WWOX: variants seen among roughly 807,000 people sequenced by gnomAD.
WWOX encodes WW domain-containing oxidoreductase.
A neutral mutation model predicts 46.2 loss-of-function variants in WWOX; 69 were observed. The ratio of observed to expected loss-of-function variants is 1.49; its 90% CI spans 1.23 to 1.82. The LOEUF (loss-of-function observed/expected upper bound fraction) is 1.82, where lower values mean the gene tolerates loss of function less well. WWOX is among the 40% of genes most tolerant of loss of function. The pLI is 0.00. For synonymous variants in WWOX, 359 were observed against 202.6 expected (o/e 1.77, Z -6.56); for missense variants, 919 against 542.6 (o/e 1.69, Z -6.89).
intron 8 of WWOX, among the ~76,000 whole-genome samples, chr16:78,555,325 C>G (rs2044269059): frequency 1.3e-5 from 2 of 152,140 alleles, no homozygotes; most frequent in African/African-American, 4.8e-5. Context: ...TATTCTAATA[C>G]TCACATTTCC....
intron 8 of WWOX, among the ~76,000 whole-genome samples, chr16:78,831,051 G>C (rs1020213004): frequency 2.0e-5 from 3 of 152,164 alleles, no homozygotes; most frequent in African/African-American, 7.2e-5. Flanking sequence ...GTGATGTTTT[G>C]GGAGTGAATT....
At chr16:78,714,117 C>T (rs534471098) in intron 8 of WWOX, among the ~76,000 whole-genome samples, 7 of 152,246 alleles carry the variant, frequency 4.6e-5, no homozygotes, top group African/African-American at 1.4e-4. Context: ...AGAATAAGTC[C>T]GTCTCACGTT....
At chr16:78,290,945 G>A (rs145488893) in intron 5 of WWOX, among the ~76,000 whole-genome samples, 4 of 152,244 alleles carry the variant, frequency 2.6e-5, no homozygotes, top group African/African-American at 9.6e-5. Context: ...AACTAAGAAA[G>A]GTAGGAGGAG....
At chr16:79,160,880 C>G (rs1044828587) in intron 8 of WWOX, among the ~76,000 whole-genome samples, 1 of 93,958 alleles carries the variant, frequency 1.1e-5, no homozygotes, top group African/African-American at 5.3e-5. Context: ...AAATTGTGTA[C>G]ATACACATAT....
chr16:78,842,272 T>C (rs888482791), intron 8 of WWOX, among the ~76,000 whole-genome samples: 1 of 151,224 alleles, frequency 6.6e-6, no homozygotes, highest in African/African-American at 2.4e-5. Flanking sequence ...GGCAGGAGGA[T>C]TGCTTGAGGC....
At chr16:79,089,218 T>C (rs896092000) in intron 8 of WWOX, among the ~76,000 whole-genome samples, 2 of 152,216 alleles carry the variant, frequency 1.3e-5, no homozygotes, top group Non-Finnish European at 2.9e-5. Flanking sequence ...ACTCATGTTT[T>C]ATATGGAGAC....
At chr16:78,632,791 C>G (rs2046465867) in intron 8 of WWOX, among the ~76,000 whole-genome samples, 1 of 151,848 alleles carries the variant, frequency 6.6e-6, no homozygotes, top group Non-Finnish European at 1.5e-5. Flanking sequence ...CTCCTGACCT[C>G]AGGTGATCCA....
intron 8 of WWOX, among the ~76,000 whole-genome samples, chr16:78,624,848 ATCGTATGAACAT>A (rs2046275064): frequency 6.6e-6 from 1 of 152,206 alleles, no homozygotes; most frequent in South Asian, 2.1e-4. Context: ...AGGAGCAGAT[ATCGTATGAACAT>A]GATTTTGAAT....
intron 5 of WWOX, among the ~76,000 whole-genome samples, chr16:78,312,950 C>G (rs946477640): frequency 2.0e-5 from 3 of 152,322 alleles, no homozygotes; most frequent in South Asian, 2.1e-4. Context: ...GGGTTCCCAG[C>G]TGCCTGGTGT....
At chr16:78,420,873 A>G (rs959724768) in intron 6 of WWOX, among the ~76,000 whole-genome samples, 8 of 152,154 alleles carry the variant, frequency 5.3e-5, no homozygotes, top group African/African-American at 1.9e-4. Context: ...GAAAAAAAGT[A>G]ATCCTGACTG....
chr16:79,163,692 T>C (rs1198210448), intron 8 of WWOX, among the ~76,000 whole-genome samples: 1 of 150,798 alleles, frequency 6.6e-6, no homozygotes, highest in Admixed American at 6.6e-5. Context: ...CAGCCACTTT[T>C]GAGGCTGAGG....
chr16:78,314,986 T>A (rs1376126733), intron 5 of WWOX, among the ~76,000 whole-genome samples: 1 of 152,174 alleles, frequency 6.6e-6, no homozygotes, highest in Admixed American at 6.5e-5. Context: ...GAAGAACTTC[T>A]CCTTCACTCA....
chr16:79,010,664 G>A (rs1401633012), intron 8 of WWOX, among the ~76,000 whole-genome samples: 2 of 152,208 alleles, frequency 1.3e-5, no homozygotes, highest in Non-Finnish European at 2.9e-5. Context: ...GAAGACAGTG[G>A]ATTGTTTCTC....
At chr16:78,123,981 T>A (rs1364244088) in intron 4 of WWOX, 8 of 152,090 alleles carry the variant, frequency 5.3e-5, no homozygotes, top group Admixed American at 4.6e-4. Context: ...CCATGTACAA[T>A]CTTAGGGAGG....
intron 8 of WWOX, among the ~76,000 whole-genome samples, chr16:78,855,148 A>T (rs1009705639): frequency 1.3e-5 from 2 of 152,156 alleles, no homozygotes; most frequent in East Asian, 3.9e-4. Flanking sequence ...TTAATTTACA[A>T]TTTGAAAGGT....
intron 8 of WWOX, among the ~76,000 whole-genome samples, chr16:78,776,652 A>G (rs577736623): frequency 6.6e-6 from 1 of 152,082 alleles, no homozygotes; most frequent in Non-Finnish European, 1.5e-5. Flanking sequence ...ACTGCCCGAG[A>G]TTGGGAAATT....
At chr16:78,306,095 C>G (rs903610931) in intron 5 of WWOX, among the ~76,000 whole-genome samples, 1 of 151,976 alleles carries the variant, frequency 6.6e-6, no homozygotes, top group African/African-American at 2.4e-5. Flanking sequence ...ATTTGCGTCT[C>G]GCTGCCTGTC....
At chr16:79,036,837 C>A (rs145393280) in intron 8 of WWOX, among the ~76,000 whole-genome samples, 42 of 152,236 alleles carry the variant, frequency 2.8e-4, no homozygotes, top group Non-Finnish European at 5.3e-4. Flanking sequence ...ATGTTAGCAT[C>A]AGGTATTTTA....
chr16:78,170,090 A>T (rs9927200), intron 5 of WWOX, among the ~76,000 whole-genome samples: 2 of 151,742 alleles, frequency 1.3e-5, no homozygotes, highest in Admixed American at 6.6e-5. Flanking sequence ...TGAGTCTATT[A>T]CCCTCTCATA....
Sources: gnomAD v4.1 joint callset for allele counts (sites outside exome capture counted in the v4.1 genomes callset) on GRCh38, gnomAD v4.1.1 for gene constraint, MANE v1.5 for transcripts, NCBI Gene and HGNC (gene_info 2026-07-23, HGNC 2026-07-21) for gene names.